GJA9: variants seen among roughly 807,000 people sequenced by gnomAD.
GJA9 encodes the protein gap junction protein alpha 9.
A neutral mutation model predicts 0.4 loss-of-function variants in GJA9; 1 was observed. The ratio of observed to expected loss-of-function variants is 2.50; its 90% CI spans 0.89 to 11.88. GJA9 has a LOEUF of 11.88. Among genes scored for constraint, GJA9 ranks in the 30% most tolerant of loss-of-function variants. GJA9 has a pLI of 0.12. For missense variants in GJA9, 550 were observed against 602.8 expected (o/e 0.91, Z 0.92); for synonymous variants, 190 against 219.1 (o/e 0.87, Z 1.17).
At chr1:38,880,263 G>A (rs1379730510) in intron 1 of GJA9, among the ~76,000 whole-genome samples, 1 of 149,530 alleles carries the variant, frequency 6.7e-6, no homozygotes, top group Non-Finnish European at 1.5e-5. Context: ...AATTAGTCGG[G>A]CGTGGTGGCG....
intron 1 of GJA9, among the ~76,000 whole-genome samples, chr1:38,879,447 C>T (rs1333074942): frequency 1.3e-5 from 2 of 152,126 alleles, no homozygotes; most frequent in Non-Finnish European, 2.9e-5. Flanking sequence ...GATGAGGAAA[C>T]GGAAGCACAC....
chr1:38,876,497 T>TC (rs1172752493), intron 1 of GJA9: 1 of 167,718 alleles, frequency 6.0e-6, no homozygotes, highest in Non-Finnish European at 1.3e-5. Context: ...CAGCTAGTCT[T>TC]AAACTCCTAG....
intron 1 of GJA9, among the ~76,000 whole-genome samples, chr1:38,881,157 T>A (rs1280995429): frequency 6.6e-6 from 1 of 152,162 alleles, no homozygotes; most frequent in Non-Finnish European, 1.5e-5. Context: ...ATTATATACT[T>A]AATATATTGT....
chr1:38,875,876 T>A lies in GJA9; in HGVS notation c.223A>T (p.Ile75Phe). 1 of 1,614,198 alleles carries A rather than the reference T, an allele frequency of 6.2e-7. No individual in the cohort carries two copies. ...CYDQAFPISL[I>F]RYWVLQVIFV... ...ATCACCTGCAGAACCCAGTATCTAA[T>A]GAGGGAGATAGGAAAGGCCTGGTCG... The change falls in exon 2 of 2, where the codon ATT (isoleucine) becomes TTT (phenylalanine). Residue 75 changes from isoleucine (I) to phenylalanine (F), a missense_variant. Coordinates refer to ENST00000357771, the MANE Select transcript of GJA9 (RefSeq NM_030772.5).
In GJA9 at chr1:38,881,533, G is replaced by C. The variant is rs1642697499; in HGVS notation, c.-197C>G. 1.4e-6 allele frequency: 1 copy of C among 698,826 alleles called. No homozygotes were observed. Among genetic ancestry groups the C allele is most frequent in the East Asian group, 2.7e-5 (1 of 37,056 alleles). The allele number at this position is 698,826 out of a possible 1,614,324, so 43.3% of individuals were successfully genotyped here. A position where few individuals can be genotyped will look rare whatever the true frequency, so the allele number is the denominator to read the frequency against. On this transcript the variant is annotated 5_prime_UTR_variant, in exon 1 of 2. Coordinates refer to ENST00000357771, the MANE Select transcript of GJA9 (RefSeq NM_030772.5). ...GAATTTGTCCCTTTGCTGGTATAGA[G>C]CAGATTCAGTTCAGTTGAATGTAGT...
intron 1 of GJA9, among the ~76,000 whole-genome samples, chr1:38,877,891 A>G (rs1282298674): frequency 6.6e-6 from 1 of 152,216 alleles, no homozygotes; most frequent in Admixed American, 6.5e-5. Context: ...CAGTGAAACC[A>G]GAGGAAACAG....
At chr1:38,878,741 T>C (rs1367487801) in intron 1 of GJA9, among the ~76,000 whole-genome samples, 3 of 148,996 alleles carry the variant, frequency 2.0e-5, no homozygotes, top group Non-Finnish European at 4.5e-5. Context: ...TTTTTTTTTT[T>C]TTTTTTTTTG....
chr1:38,875,838 T>C lies in GJA9; in HGVS notation c.261A>G (p.Ser87=). The part of the protein sequence containing the change: ...YWVLQVIFVS[S]PSLVYMGHAL... ...CATGGCCCATGTAGACCAGGGATGG[T>C]GAAGACACAAATATCACCTGCAGAA... Residue 87 remains serine (S), a synonymous_variant, in exon 2 of 2, where the codon TCA becomes TCG. Transcript: ENST00000357771. 1 of 1,614,188 alleles carries C rather than the reference T, an allele frequency of 6.2e-7. No individual in the cohort carries two copies. Among genetic ancestry groups the C allele is most frequent in the Admixed American group, 1.7e-5 (1 of 60,014 alleles).
intron 1 of GJA9, among the ~76,000 whole-genome samples, chr1:38,878,730 C>CTTTTTTT (rs1240029430): frequency 9.7e-6 from 1 of 103,416 alleles, no homozygotes; most frequent in Non-Finnish European, 1.9e-5. Flanking sequence ...GTACCAGAAT[C>CTTTTTTT]TTTTTTTTTT....
intron 1 of GJA9, among the ~76,000 whole-genome samples, chr1:38,878,358 C>T (rs973809617): frequency 2.0e-5 from 3 of 151,786 alleles, no homozygotes; most frequent in Non-Finnish European, 2.9e-5. Context: ...CCACCGCGCC[C>T]AGCCCAAATT....
chr1:38,879,929 C>T (rs1007503768), intron 1 of GJA9, among the ~76,000 whole-genome samples: 1 of 151,284 alleles, frequency 6.6e-6, no homozygotes, highest in South Asian at 2.1e-4. Flanking sequence ...CGGGGTTTCA[C>T]CGTGATCTCG....
At position 38,875,641 on chromosome 1, in the gene GJA9, A is replaced by G; in HGVS notation, c.458T>C (p.Leu153Ser). 2 of 1,614,260 alleles carry G rather than the reference A, an allele frequency of 1.2e-6. No individual in the cohort carries two copies. Among genetic ancestry groups the G allele is most frequent in the Non-Finnish European group, 1.7e-6 (2 of 1,180,038 alleles). ...AATGTGTATCACATAAGTGCAAAGC[A>G]AGGTTCCTCTGAGTGGAGCTTTATT... ...KLNKAPLRGT[L>S]LCTYVIHIFT... is the part of the protein sequence containing the mutation. The change falls in exon 2 of 2, where the codon TTG becomes TCG. Residue 153 changes from leucine (L) to serine (S), a missense_variant. Physicochemically the swap from Leu to Ser is moderately radical, Grantham distance 145. Coordinates refer to ENST00000357771, the MANE Select transcript of GJA9 (RefSeq NM_030772.5).
At position 38,875,229 on chromosome 1, in the gene GJA9, C is replaced by G; in HGVS notation, c.870G>C (p.Lys290Asn). 6.2e-7 allele frequency: 1 copy of G among 1,614,168 alleles called. No individual in the cohort carries two copies. The highest frequency in any genetic ancestry group is 8.5e-7 in the Non-Finnish European group (1 of 1,180,032). Reference protein sequence around the residue: ...SAPDYNLLVEKQTHTAVYPSL... With the variant: ...SAPDYNLLVENQTHTAVYPSL... ...TAGGGTACACTGCAGTGTGTGTTTG[C>G]TTTTCCACTAACAGATTATAATCAG... is the stretch of plus-strand genomic sequence containing the variant. Residue 290 changes from lysine (K) to asparagine (N), a missense_variant, in exon 2 of 2, where the codon AAG becomes AAC. Coordinates refer to ENST00000357771, the MANE Select transcript of GJA9 (RefSeq NM_030772.5).
At position 38,875,712 on chromosome 1, in the gene GJA9, C is replaced by G. The variant is rs899549235; in HGVS notation, c.387G>C (p.Arg129=). 2 of 1,614,232 alleles carry G rather than the reference C, an allele frequency of 1.2e-6. No homozygotes were observed. The highest frequency in any genetic ancestry group is 1.7e-5 in the Admixed American group (1 of 60,024). The change falls in exon 2 of 2, where the codon CGG becomes CGC. Residue 129 remains arginine, a synonymous_variant. Transcript: ENST00000357771. ...GACAAAGCTCTTGCTCCAATCTCCT[C>G]CGATCCCTAGGCATTTCAAACTCTA... ...EEVEFEMPRD[R]RRLEQELCQL...
Position 38,874,776 on chromosome 1 carries a change from A to T in GJA9, c.1323T>A (p.Gly441=). Residue 441 remains glycine, a synonymous_variant, in exon 2 of 2, where the codon GGT becomes GGA. Transcript: ENST00000357771. ...CCTTTCTGAACTGGCCCTTGAGGTT[A>T]CCTTTAGGAGGTGACCCCCGGTTTT... ...EHENRGSPPK[G]NLKGQFRKGT... 1 of 1,614,118 alleles carries T rather than the reference A, an allele frequency of 6.2e-7. No individual in the cohort carries two copies. The highest frequency in any genetic ancestry group is 8.5e-7 in the Non-Finnish European group (1 of 1,179,990).
chr1:38,879,702 T>C (rs753931597), intron 1 of GJA9, among the ~76,000 whole-genome samples: 1 of 152,228 alleles, frequency 6.6e-6, no homozygotes. Context: ...CTTTAGTTCC[T>C]TTCTTCAGCC....
intron 1 of GJA9, among the ~76,000 whole-genome samples, chr1:38,878,235 C>T (rs1052448845): frequency 2.0e-5 from 3 of 151,864 alleles, no homozygotes; most frequent in East Asian, 2.0e-4. Flanking sequence ...AGTGCCACCA[C>T]GCTTGGCTAA....
At chr1:38,878,459 C>T (rs1642631208) in intron 1 of GJA9, among the ~76,000 whole-genome samples, 1 of 150,842 alleles carries the variant, frequency 6.6e-6, no homozygotes, top group Non-Finnish European at 1.5e-5. Flanking sequence ...TGCGGATCAC[C>T]TGAGGTCAGG....
Position 38,875,139 on chromosome 1 carries a change from G to A in GJA9, c.960C>T (p.Cys320=), listed in dbSNP as rs1642559425. 6.2e-7 allele frequency: 1 copy of A among 1,613,968 alleles called. No homozygotes were observed. Residue 320 remains cysteine, a synonymous_variant, in exon 2 of 2, where the codon TGC becomes TGT. Coordinates refer to ENST00000357771, the MANE Select transcript of GJA9 (RefSeq NM_030772.5). ...GTACAGTTTCCTGTTCATCCAAAAT[G>A]CATTTCTCATCATTTACACTATGAT... The part of the protein sequence containing the change: ...PDNHSVNDEK[C]ILDEQETVLS...
Sources: gnomAD v4.1 joint callset for allele counts (sites outside exome capture counted in the v4.1 genomes callset) on GRCh38, gnomAD v4.1.1 for gene constraint, MANE v1.5 for transcripts, NCBI Gene and HGNC (gene_info 2026-07-23, HGNC 2026-07-21) for gene names.